The following SANBR variants were observed in gnomAD, a reference collection of about 807,000 sequenced individuals.
SANBR encodes SANT and BTB domain regulator of CSR, also known as SANT and BTB domain regulator of class switch recombination.
Under a neutral mutation model 101.8 loss-of-function variants are expected in SANBR, and 77 were observed. The ratio of observed to expected loss-of-function variants is 0.76; its 90% CI spans 0.63 to 0.91. The LOEUF (loss-of-function observed/expected upper bound fraction) is 0.91. SANBR is among the 40% of genes least tolerant of loss of function. The pLI is 0.00. For synonymous variants in SANBR, 279 were observed against 274.7 expected (o/e 1.02, Z -0.15); for missense variants, 875 against 853.0 (o/e 1.03, Z -0.32).
In SANBR at chr2:61,122,304, AAG is replaced by A; in HGVS notation, c.*144_*145del. ...TAATCCACATAAATCATAATTCTAA[AAG>A]AAATGCATAGTTAGGTTTTATGAAA... On this transcript the variant is annotated 3_prime_UTR_variant, in exon 22 of 22. Transcript: ENST00000402291. 4 of 1,290,126 alleles carry A rather than the reference AAG, an allele frequency of 3.1e-6. No individual in the cohort carries two copies. Among genetic ancestry groups the A allele is most frequent in the Non-Finnish European group, 4.0e-6 (4 of 989,792 alleles). The allele number at this position is 1,290,126 out of a possible 1,614,324, so 79.9% of individuals were successfully genotyped here.
chr2:61,110,568 A>C (rs534732433), intron 16 of SANBR, among the ~76,000 whole-genome samples: 45 of 152,252 alleles, frequency 3.0e-4, no homozygotes, highest in African/African-American at 9.4e-4. Flanking sequence ...AATCCCAGCT[A>C]TTTGGGAGGC....
intron 12 of SANBR, among the ~76,000 whole-genome samples, chr2:61,098,756 A>G: frequency 6.6e-6 from 1 of 152,266 alleles, no homozygotes; most frequent in Non-Finnish European, 1.5e-5. Context: ...CTTTATCATC[A>G]TCCATACAAA....
At chr2:61,125,943 A>T (rs551152824), downstream of SANBR, among the ~76,000 whole-genome samples, 6 of 152,186 alleles carry the variant, frequency 3.9e-5, no homozygotes, top group African/African-American at 1.4e-4. Context: ...GGTTGCCTGA[A>T]AATTTTCTCT....
chr2:61,123,370 A>G lies in SANBR; in HGVS notation c.*1208A>G, dbSNP rs1684409659. The G allele has an allele frequency of 1.0e-6, 1 of 981,206 alleles. No homozygotes were observed. Among genetic ancestry groups the G allele is most frequent in the African/African-American group, 1.7e-5 (1 of 57,280 alleles). The allele number at this position is 981,206 out of a possible 1,614,324, so 60.8% of individuals were successfully genotyped here. On this transcript the variant is annotated 3_prime_UTR_variant, in exon 22 of 22. Transcript: ENST00000402291. The stretch of plus-strand genomic sequence containing the variant: ...GAAGTGTTACACTCAGTTTACACGT[A>G]CAGAAATCATTCTTTTTAGTGAGTC...
intron 3 of SANBR, among the ~76,000 whole-genome samples, chr2:61,070,956 A>G (rs1681433792): frequency 6.6e-6 from 1 of 151,348 alleles, no homozygotes; most frequent in South Asian, 2.1e-4. Flanking sequence ...TCCTGACCTC[A>G]AGCGATCTTT....
Position 61,083,169 on chromosome 2 carries a change from C to T in SANBR, c.745C>T (p.Gln249Ter). ...KMDSLVEQCI[Q>*]YCHKNMNAIV... ...GATTTTTTAGGTTGAACAGTGTATT[C>T]AGTATTGCCACAAAAATATGAATGC... The change falls in exon 8 of 22, where the codon CAG becomes TAG. Residue 249 changes from glutamine (Q) to a stop codon, truncating the protein, a stop_gained. Coordinates refer to ENST00000402291, the MANE Select transcript of SANBR (RefSeq NM_001129993.3). LOFTEE classifies it high-confidence loss of function. 1 of 1,611,044 alleles carries T rather than the reference C, an allele frequency of 6.2e-7. No homozygotes were observed. Among genetic ancestry groups the T allele is most frequent in the East Asian group, 2.2e-5 (1 of 44,776 alleles).
intron 1 of SANBR, among the ~76,000 whole-genome samples, chr2:61,067,562 C>T (rs976412355): frequency 1.3e-5 from 2 of 152,110 alleles, no homozygotes; most frequent in African/African-American, 2.4e-5. Context: ...ATGGTGAAAC[C>T]CTGTCTCTAC....
chr2:61,078,783 A>G (rs545128306), intron 6 of SANBR, among the ~76,000 whole-genome samples: 2 of 151,968 alleles, frequency 1.3e-5, no homozygotes, highest in Non-Finnish European at 2.9e-5. Flanking sequence ...TCACACTGGT[A>G]GTCCCAGCAC....
Position 61,073,551 on chromosome 2 carries a change from G to C in SANBR, c.431G>C (p.Gly144Ala). Residue 144 changes from glycine (G) to alanine (A), a missense_variant and splice_region_variant, in exon 5 of 22, where the codon GGG becomes GCG. By Grantham distance (60) the Gly-to-Ala change is moderately conservative. Coordinates refer to ENST00000402291, the MANE Select transcript of SANBR (RefSeq NM_001129993.3). ...NGGEMTEESE[G>A]PNMVIHVCDE... ...GGAGAAATGACTGAAGAATCTGAAG[G>C]GTAGGCGGCTGGTTGTTTGCTAGAT... 3 of 1,550,016 alleles carry C rather than the reference G, an allele frequency of 1.9e-6. No homozygotes were observed. Among genetic ancestry groups the C allele is most frequent in the Non-Finnish European group, 2.6e-6 (3 of 1,138,286 alleles).
At chr2:61,127,894 G>C (rs963856799), downstream of SANBR, among the ~76,000 whole-genome samples, 3 of 152,144 alleles carry the variant, frequency 2.0e-5, no homozygotes, top group East Asian at 5.8e-4. Flanking sequence ...ACTCTAAGAG[G>C]TTAAATGCAA....
chr2:61,078,252 T>C (rs1681897068), intron 6 of SANBR, among the ~76,000 whole-genome samples: 1 of 152,128 alleles, frequency 6.6e-6, no homozygotes, highest in African/African-American at 2.4e-5. Context: ...GTCAGAAAAG[T>C]TCACTGATAC....
downstream of SANBR, among the ~76,000 whole-genome samples, chr2:61,125,831 G>T (rs1684498393): frequency 6.6e-6 from 1 of 152,098 alleles, no homozygotes. Context: ...TCATTTTACA[G>T]GTGGAAGAGA....
chr2:61,097,410 G>T (rs1683081449), intron 11 of SANBR, among the ~76,000 whole-genome samples: 1 of 151,798 alleles, frequency 6.6e-6, no homozygotes, highest in Non-Finnish European at 1.5e-5. Context: ...CTCTTTTTAA[G>T]TCTGCAATTC....
Position 61,103,952 on chromosome 2 carries a change from A to G in SANBR, c.1465A>G (p.Lys489Glu). Residue 489 changes from lysine to glutamate, a missense_variant, in exon 13 of 22, where the codon AAG becomes GAG. Transcript: ENST00000402291. ...PTARMLDDLH[K>E]YRDVIVVPFS... ...TGCTAGAATGTTGGACGATTTGCACAAGTACAGAGATGTCATTGTTGTGCC... is the reference window on the plus strand; with the variant it reads ...TGCTAGAATGTTGGACGATTTGCACGAGTACAGAGATGTCATTGTTGTGCC... 6.2e-7 allele frequency: 1 copy of G among 1,614,224 alleles called. No homozygotes were observed. Among genetic ancestry groups the G allele is most frequent in the Non-Finnish European group, 8.5e-7 (1 of 1,180,032 alleles).
intron 11 of SANBR, among the ~76,000 whole-genome samples, chr2:61,094,742 C>T (rs1682947481): frequency 6.9e-6 from 1 of 145,302 alleles, no homozygotes; most frequent in South Asian, 2.2e-4. Context: ...CTCCCAGGTT[C>T]AAGCGATTCT....
chr2:61,088,496 T>C, intron 10 of SANBR, 28 bp downstream of exon 10: 1 of 1,304,476 alleles, frequency 7.7e-7, no homozygotes, highest in East Asian at 2.5e-5. Context: ...TACATACATG[T>C]ATTTTTGTAT....
Position 61,083,314 on chromosome 2 carries a change from G to A in SANBR, c.890G>A (p.Ser297Asn), listed in dbSNP as rs748738130. The change falls in exon 8 of 22, where the codon AGC becomes AAC. Residue 297 changes from serine to asparagine, a missense_variant and splice_region_variant. Coordinates refer to ENST00000402291, the MANE Select transcript of SANBR (RefSeq NM_001129993.3). ...AAGGACAAAAAAGATAAATTTAAAAGGTAATTTCAAAAGTTTAATTTTAAA... is the reference window on the plus strand; with the variant it reads ...AAGGACAAAAAAGATAAATTTAAAAAGTAATTTCAAAAGTTTAATTTTAAA... ...DLKDKKDKFK[S>N]KLFCKKIERL... 6.4e-7 allele frequency: 1 copy of A among 1,562,902 alleles called. No homozygotes were observed.
chr2:61,134,214 G>C (rs1310875641), exon 21 of SANBR: 28 of 1,609,510 alleles, frequency 1.7e-5, no homozygotes, highest in Non-Finnish European at 2.2e-5. Flanking sequence ...TGCTCTTGAT[G>C]ACAGTGTTGC....
At chr2:61,109,465 A>G (rs1170837890) in intron 16 of SANBR, among the ~76,000 whole-genome samples, 169 bp downstream of exon 16, 3 of 152,102 alleles carry the variant, frequency 2.0e-5, no homozygotes, top group Admixed American at 6.6e-5. Context: ...GCATGAACAC[A>G]AAATACTCAA....
Sources: gnomAD v4.1 joint callset for allele counts (sites outside exome capture counted in the v4.1 genomes callset) on GRCh38, gnomAD v4.1.1 for gene constraint, MANE v1.5 for transcripts, NCBI Gene and HGNC (gene_info 2026-07-23, HGNC 2026-07-21) for gene names.